DIP2A: variants seen among roughly 807,000 people sequenced by gnomAD.
DIP2A encodes the protein DIP2 acetate--CoA ligase A.
DIP2A carries 85 observed loss-of-function variants against 177.4 expected under a neutral mutation model. That is an observed-to-expected ratio of 0.48 (90% CI 0.40 to 0.57). The LOEUF (loss-of-function observed/expected upper bound fraction) is 0.57, where lower values mean the gene tolerates loss of function less well. Among genes scored for constraint, DIP2A ranks in the 20% least tolerant of loss-of-function variants. The pLI is 0.00. For missense variants in DIP2A, 1,791 were observed against 2,100.2 expected, an observed-to-expected ratio of 0.85 and a Z score of 2.88; for synonymous variants, 886 against 881.8, an observed-to-expected ratio of 1.00 and a Z score of -0.08.
chr21:46,578,524 T>C, the DIP2A span, among the ~76,000 whole-genome samples: 8 of 152,340 alleles, frequency 5.3e-5, no homozygotes, highest in African/African-American at 1.9e-4. Context: ...GGGGCATCCT[T>C]GTCTTGTGCC....
At chr21:46,535,262 A>G (rs1231193972) in intron 13 of DIP2A, among the ~76,000 whole-genome samples, 2 of 152,170 alleles carry the variant, frequency 1.3e-5, no homozygotes, top group African/African-American at 4.8e-5. Flanking sequence ...ATATCTTTAA[A>G]TTAATATTAT....
At position 46,547,390 on chromosome 21, in the gene DIP2A, G is replaced by A. The variant is rs531987589; in HGVS notation, c.2522+348G>A. Among the ~76,000 whole-genome samples, 5 of 152,254 alleles carry A rather than the reference G, an allele frequency of 3.3e-5. No individual in the cohort carries two copies. The South Asian group carries it at 1.0e-3, about 31-fold the overall frequency. On this transcript the variant is annotated intron_variant, in intron 21 of 37. Transcript: ENST00000417564. ...TTGGAATGTGAATTAAAACAGAAAA[G>A]TGCCATTTTCTCTGCGAGACACATG...
intron 1 of DIP2A, among the ~76,000 whole-genome samples, chr21:46,461,271 CAAAAA>C (rs60346777): frequency 1.2e-3 from 61 of 49,322 alleles, no homozygotes; most frequent in Admixed American, 8.9e-3. Flanking sequence ...CTCTTCTCAC[CAAAAA>C]AAAAAAAAAA....
chr21:46,519,414 C>T (rs1268511159), intron 8 of DIP2A, among the ~76,000 whole-genome samples: 1 of 152,190 alleles, frequency 6.6e-6, no homozygotes, highest in Non-Finnish European at 1.5e-5. Context: ...TTAAACGCCT[C>T]TGACATATTT....
chr21:46,578,883 A>G, the DIP2A span, among the ~76,000 whole-genome samples: 1 of 152,134 alleles, frequency 6.6e-6, no homozygotes, highest in Admixed American at 6.5e-5. Context: ...GAATTTTTGC[A>G]TGAATGTTCA....
chr21:46,513,662 T>A (rs2058414628), intron 8 of DIP2A, among the ~76,000 whole-genome samples: 1 of 152,124 alleles, frequency 6.6e-6, no homozygotes, highest in Admixed American at 6.5e-5. Context: ...TGAGTAGAAT[T>A]AATGTTTTAT....
intron 11 of DIP2A, 119 bp downstream of exon 11, chr21:46,533,766 G>A: frequency 6.9e-7 from 1 of 1,451,320 alleles, no homozygotes. Context: ...GTGATCCCTT[G>A]TTCGAGTCCT....
chr21:46,547,093 T>G, intron 21 of DIP2A, 51 bp downstream of exon 21: 1 of 1,594,244 alleles, frequency 6.3e-7, no homozygotes, highest in Non-Finnish European at 8.6e-7. Context: ...CATTTGCAGC[T>G]CGGGAAGTCT....
At chr21:46,558,533 A>G in intron 32 of DIP2A, 140 bp downstream of exon 32, 2 of 832,438 alleles carry the variant, frequency 2.4e-6, no homozygotes, top group South Asian at 3.2e-5. Context: ...ATTTCCATGT[A>G]ACATTTTAGC....
Position 46,490,601 on chromosome 21 carries a change from A to G in DIP2A, c.165A>G (p.Gly55=), listed in dbSNP as rs1322618933. 6.4e-7 allele frequency: 1 copy of G among 1,561,046 alleles called. No individual in the cohort carries two copies. Residue 55 remains glycine, a splice_region_variant and synonymous_variant, in exon 3 of 38, where the codon GGA becomes GGG. Transcript: ENST00000417564. ...TATTCCCATAAAATTGTGTTTCAGG[A>G]ATAGACCCATCTCTGCAAGCAGAGA... ...LLARYIPLIQ[G]IDPSLQAENR...
At chr21:46,535,858 C>T (rs1344032610) in intron 13 of DIP2A, among the ~76,000 whole-genome samples, 5 of 152,140 alleles carry the variant, frequency 3.3e-5, no homozygotes, top group Admixed American at 3.3e-4. Flanking sequence ...AAGAGGACCG[C>T]CTGAGCCCAG....
intron 12 of DIP2A, 47 bp from the exon 13 acceptor site, chr21:46,534,538 C>T (rs1242536598): frequency 6.5e-7 from 1 of 1,546,858 alleles, no homozygotes; most frequent in Non-Finnish European, 8.9e-7. Context: ...TGTCTGTTGT[C>T]ACCTCTAGAA....
Position 46,556,173 on chromosome 21 carries a change from A to G in DIP2A, c.3498+82A>G. On this transcript the variant is annotated intron_variant, in intron 29 of 37. Transcript: ENST00000417564. The surrounding 1 kb of genome is among the most constrained non-coding windows in gnomAD (Gnocchi z 4.5). ...GAAAGGATGTCAGATGCAGATTTAA[A>G]CTGACAGGTCCTTCTTATGCAAAGC... 2 of 1,427,504 alleles carry G rather than the reference A, an allele frequency of 1.4e-6. No homozygotes were observed. Among genetic ancestry groups the G allele is most frequent in the Non-Finnish European group, 2.0e-6 (2 of 1,016,180 alleles). 88.4% of individuals were successfully genotyped at this position (1,427,504 alleles called of 1,614,324 possible).
At chr21:46,485,181 T>C (rs567144912) in intron 2 of DIP2A, among the ~76,000 whole-genome samples, 69 of 152,338 alleles carry the variant, frequency 4.5e-4, no homozygotes, top group Non-Finnish European at 8.1e-4. Context: ...AGATGTCGGT[T>C]CTTCCCACAT....
Position 46,484,807 on chromosome 21 carries a change from C to T in DIP2A, c.142C>T (p.Arg48Cys), listed in dbSNP as rs1204955300. 1.9e-5 allele frequency: 30 copies of T among 1,584,956 alleles called. No homozygotes were observed. Among genetic ancestry groups the T allele is most frequent in the Non-Finnish European group, 2.5e-5 (29 of 1,165,198 alleles). ...AAAGAAAAGGGCAAAGCTGCTTGCA[C>T]GTTATATACCGCTTATTCAAGGTAA... ...YEKKRAKLLA[R>C]YIPLIQGIDP... Residue 48 changes from arginine to cysteine, a missense_variant, in exon 2 of 38, where the codon CGT (arginine) becomes TGT (cysteine). By Grantham distance (180) the Arg-to-Cys change is radical (BLOSUM62 -3). Coordinates refer to ENST00000417564, the MANE Select transcript of DIP2A (RefSeq NM_015151.4).
intron 28 of DIP2A, among the ~76,000 whole-genome samples, chr21:46,555,324 T>C (rs2060426271): frequency 6.6e-6 from 1 of 152,208 alleles, no homozygotes; most frequent in Non-Finnish European, 1.5e-5. Flanking sequence ...CCCCATGAAA[T>C]GCTGAGGGCC....
At chr21:46,554,040 T>G in intron 25 of DIP2A, 129 bp from the exon 26 acceptor site, 1 of 1,274,322 alleles carries the variant, frequency 7.8e-7, no homozygotes, top group Non-Finnish European at 1.1e-6. Context: ...GACTGACACA[T>G]TGTCATTATC....
In DIP2A at chr21:46,568,612, G is replaced by C. The variant is rs2060898331; in HGVS notation, c.*990G>C. 1 of 152,186 alleles carries C rather than the reference G, an allele frequency of 6.6e-6. No individual in the cohort carries two copies. Among genetic ancestry groups the C allele is most frequent in the African/African-American group, 2.4e-5 (1 of 41,446 alleles). 9.4% of individuals were successfully genotyped at this position (152,186 alleles called of 1,614,324 possible). On this transcript the variant is annotated 3_prime_UTR_variant, in exon 38 of 38. Coordinates refer to ENST00000417564, the MANE Select transcript of DIP2A (RefSeq NM_015151.4). Reference sequence around the variant, plus strand: ...TTGGACTGTCAAATTTAGATGCTTTGTTTCAGAAAGATAAGCCAGCATTTA... The same window carrying C: ...TTGGACTGTCAAATTTAGATGCTTTCTTTCAGAAAGATAAGCCAGCATTTA...
Position 46,567,521 on chromosome 21 carries a change from G to T in DIP2A, c.4615G>T (p.Val1539Leu). 1.2e-6 allele frequency: 2 copies of T among 1,613,940 alleles called. No homozygotes were observed. Among genetic ancestry groups the T allele is most frequent in the Non-Finnish European group, 1.7e-6 (2 of 1,179,870 alleles). The change falls in exon 38 of 38, where the codon GTG becomes TTG. Residue 1539 changes from valine to leucine, a missense_variant. Coordinates refer to ENST00000417564, the MANE Select transcript of DIP2A (RefSeq NM_015151.4). ...AGTGGTGGTCATCGTGGACCCAGGGGTGATCCCTATCAACTCTCGGGGTGA... is the reference window on the plus strand; with the variant it reads ...AGTGGTGGTCATCGTGGACCCAGGGTTGATCCCTATCAACTCTCGGGGTGA... ...VGVVVIVDPG[V>L]IPINSRGEKQ...
Sources: allele counts gnomAD v4.1 joint callset (sites outside exome capture counted in the v4.1 genomes callset), GRCh38; gene constraint gnomAD v4.1.1; non-coding constraint Gnocchi (gnomAD v3.1); transcripts MANE v1.5; gene names NCBI Gene and HGNC (gene_info 2026-07-23, HGNC 2026-07-21).